Variants in GHRH observed in about 807,000 individuals in gnomAD.
The protein encoded by GHRH is somatoliberin.
GHRH carries 7 observed loss-of-function variants against 15.6 expected under a neutral mutation model. The ratio of observed to expected loss-of-function variants is 0.45; its 90% CI spans 0.26 to 0.84. The LOEUF (loss-of-function observed/expected upper bound fraction) is 0.84. Ranked by LOEUF, GHRH falls within the 40% of genes least tolerant of loss-of-function variation. GHRH has a pLI of 0.18. For missense variants in GHRH, 117 were observed against 138.0 expected (o/e 0.85, Z 0.76); for synonymous variants, 54 against 50.4 (o/e 1.07, Z -0.30).
At chr20:37,256,609 C>G (rs2068657579) in intron 2 of GHRH, 111 bp from the exon 3 acceptor site, 1 of 768,570 alleles carries the variant, frequency 1.3e-6, no homozygotes, top group South Asian at 1.7e-5. Flanking sequence ...ATCTGTCCCA[C>G]TCACCCCAAG....
chr20:37,252,488 C>T (rs747208972), intron 4 of GHRH, among the ~76,000 whole-genome samples: 11 of 152,216 alleles, frequency 7.2e-5, no homozygotes, highest in South Asian at 4.1e-4. Flanking sequence ...GGCTCTAGGC[C>T]GGGTGCGGTG....
intron 3 of GHRH, among the ~76,000 whole-genome samples, chr20:37,255,635 T>C (rs112878585): frequency 2.2e-4 from 25 of 112,922 alleles, no homozygotes; most frequent in African/African-American, 7.9e-4. Context: ...CACTCCAGCC[T>C]GGGGGACAGA....
At chr20:37,256,312 G>A in intron 3 of GHRH, 82 bp downstream of exon 3, 1 of 777,136 alleles carries the variant, frequency 1.3e-6, no homozygotes, top group Non-Finnish European at 2.1e-6. Flanking sequence ...GATCTGAATT[G>A]GTCCCTGGTC....
intron 1 of GHRH, among the ~76,000 whole-genome samples, chr20:37,259,707 G>A (rs910949241): frequency 6.6e-6 from 1 of 152,134 alleles, no homozygotes; most frequent in African/African-American, 2.4e-5. Flanking sequence ...CTCTCCCTCT[G>A]GAGCAGGCAT....
chr20:37,254,430 T>A, intron 3 of GHRH, 101 bp from the exon 4 acceptor site: 1 of 1,200,692 alleles, frequency 8.3e-7, no homozygotes, highest in Non-Finnish European at 1.2e-6. Flanking sequence ...TGGACTCTTC[T>A]ACCCAACTGA....
chr20:37,256,940 C>A (rs1160656762), intron 1 of GHRH, 32 bp from the exon 2 acceptor site: 1 of 1,325,088 alleles, frequency 7.5e-7, no homozygotes, highest in South Asian at 1.2e-5. Context: ...AGGTCAGGTA[C>A]AGCCACAGCC....
Position 37,252,761 on chromosome 20 carries a change from G to A in GHRH, c.308+1449C>T, listed in dbSNP as rs150760495. ...CTACTAAAAGTACAAAAAATTAGCC[G>A]GGCGTGGTGGCGGGTGCCTGTAATC... On this transcript the variant is annotated intron_variant, in intron 4 of 4. Coordinates refer to ENST00000373614, the MANE Select transcript of GHRH (RefSeq NM_021081.6). 4.8e-3 allele frequency among the ~76,000 whole-genome samples: 737 copies of A among 152,024 alleles called. 4 individuals carry two copies. The highest frequency in any genetic ancestry group is 0.017 in the African/African-American group (706 of 41,446).
At chr20:37,255,868 AAAAAT>A (rs1415625517) in intron 3 of GHRH, among the ~76,000 whole-genome samples, 1 of 151,998 alleles carries the variant, frequency 6.6e-6, no homozygotes, top group Non-Finnish European at 1.5e-5. Flanking sequence ...CATCTCTACA[AAAAAT>A]AAAATAGTCA....
intron 4 of GHRH, among the ~76,000 whole-genome samples, chr20:37,252,199 G>A (rs2068625226): frequency 6.6e-6 from 1 of 152,172 alleles, no homozygotes; most frequent in Non-Finnish European, 1.5e-5. Flanking sequence ...GAGTCGAAAC[G>A]AAGAAGTGTG....
At position 37,254,203 on chromosome 20, in the gene GHRH, C is replaced by G. The variant is rs369864547; in HGVS notation, c.308+7G>C. On this transcript the variant is annotated splice_region_variant and intron_variant, in intron 4 of 4. Coordinates refer to ENST00000373614, the MANE Select transcript of GHRH (RefSeq NM_021081.6). ...CCCTAGATGCACCCATGCACACACA[C>G]CCATACCTGTGCTTCTGCAGCAGGG... 8.7e-6 allele frequency: 14 copies of G among 1,614,134 alleles called. No homozygotes were observed. The highest frequency in any genetic ancestry group is 1.1e-5 in the Non-Finnish European group (13 of 1,179,992).
intron 3 of GHRH, among the ~76,000 whole-genome samples, chr20:37,255,682 A>C (rs1055653114): frequency 2.3e-5 from 3 of 132,888 alleles, no homozygotes; most frequent in Non-Finnish European, 4.6e-5. Context: ...AAAAAAAAAA[A>C]AAAAGAGCTA....
At chr20:37,252,709 C>T (rs1324461656) in intron 4 of GHRH, among the ~76,000 whole-genome samples, 2 of 151,746 alleles carry the variant, frequency 1.3e-5, no homozygotes, top group Non-Finnish European at 2.9e-5. Context: ...TCGAGACAAA[C>T]TTGGCCAGCA....
chr20:37,256,392 AC>A lies in GHRH; in HGVS notation c.188+1del, dbSNP rs1450398136. On this transcript the variant is annotated splice_donor_variant, in intron 3 of 4. Transcript: ENST00000373614. LOFTEE classifies it high-confidence loss of function. ...GAAGAAATCACTAGAACTCCTGCTT[AC>A]CCCTGCTGCCTGCTCATGATGTCCT... 2 of 1,597,988 alleles carry A rather than the reference AC, an allele frequency of 1.3e-6. No homozygotes were observed.
intron 1 of GHRH, among the ~76,000 whole-genome samples, chr20:37,261,040 T>C (rs184992501): frequency 2.2e-4 from 33 of 152,344 alleles, no homozygotes; most frequent in Middle Eastern, 3.4e-3. Context: ...GTTTATAAAC[T>C]GTTTCAGTGA....
At chr20:37,256,783 G>A in intron 2 of GHRH, 24 bp downstream of exon 2, 1 of 1,581,140 alleles carries the variant, frequency 6.3e-7, no homozygotes, top group South Asian at 1.1e-5. Flanking sequence ...GGAGTGGTGG[G>A]AACTTTCCCC....
In GHRH at chr20:37,256,476, T is replaced by C. The variant is rs28932185; in HGVS notation, c.106A>G (p.Ile36Val). ...TLRMRRYADA[I>V]FTNSYRKVLG... ...ACCTTCCGGTAGCTGTTGGTGAAGA[T>C]GGCATCTGCATACCGCCGCATCCTG... The change falls in exon 3 of 5, where the codon ATC (isoleucine) becomes GTC (valine). Residue 36 changes from isoleucine to valine, a missense_variant. Transcript: ENST00000373614. 6.2e-7 allele frequency: 1 copy of C among 1,613,204 alleles called. No individual in the cohort carries two copies. Among genetic ancestry groups the C allele is most frequent in the Non-Finnish European group, 8.5e-7 (1 of 1,179,590 alleles).
At chr20:37,252,280 G>A (rs748627232) in intron 4 of GHRH, among the ~76,000 whole-genome samples, 1 of 152,158 alleles carries the variant, frequency 6.6e-6, no homozygotes, top group African/African-American at 2.4e-5. Flanking sequence ...ACTGGTTGTC[G>A]CCTCTCCTGT....
chr20:37,254,667 T>C (rs899898699), intron 3 of GHRH, among the ~76,000 whole-genome samples: 5 of 152,182 alleles, frequency 3.3e-5, no homozygotes, highest in Non-Finnish European at 7.4e-5. Context: ...TGCCTCCTGA[T>C]ACCAGGCACT....
At position 37,258,544 on chromosome 20, in the gene GHRH, G is replaced by T. The variant is rs1336491025; in HGVS notation, c.-19-1636C>A. Among the ~76,000 whole-genome samples, 1 of 152,136 alleles carries T rather than the reference G, an allele frequency of 6.6e-6. No individual in the cohort carries two copies. The highest frequency in any genetic ancestry group is 2.4e-5 in the African/African-American group (1 of 41,420). The stretch of plus-strand genomic sequence containing the variant: ...GCACTCAGGGGGTCTGCTTACTGCA[G>T]CCTGAGACCCTGTACCTGCAGAGCT... On this transcript the variant is annotated intron_variant, in intron 1 of 4. Transcript: ENST00000373614. The surrounding 1 kb of genome is among the most constrained non-coding windows in gnomAD (Gnocchi z 4.1).
Sources: gnomAD v4.1 joint callset for allele counts (sites outside exome capture counted in the v4.1 genomes callset) on GRCh38, gnomAD v4.1.1 for gene constraint, Gnocchi (gnomAD v3.1) non-coding constraint, MANE v1.5 for transcripts, NCBI Gene and HGNC (gene_info 2026-07-23, HGNC 2026-07-21) for gene names.